The following PDS5B variants were observed in gnomAD, a reference collection of about 807,000 sequenced individuals.
PDS5B encodes sister chromatid cohesion protein PDS5 homolog B.
In PDS5B, 51 loss-of-function variants were observed where a neutral mutation model predicts 184.1. The observed-to-expected ratio is 0.28, with a 90% confidence interval of 0.22 to 0.35. The LOEUF (loss-of-function observed/expected upper bound fraction) is 0.35. Among genes scored for constraint, PDS5B ranks in the 10% least tolerant of loss-of-function variants. The probability of loss-of-function intolerance (pLI) is 1.00; values close to 1 mark genes in which losing one functional copy is unlikely to be tolerated. For missense variants in PDS5B, 1,180 were observed against 1,723.3 expected (o/e 0.68, Z 5.58); for synonymous variants, 566 against 569.2 (o/e 0.99, Z 0.08).
At chr13:32,609,045 A>G (rs2058102607) in intron 1 of PDS5B, among the ~76,000 whole-genome samples, 1 of 152,224 alleles carries the variant, frequency 6.6e-6, no homozygotes, top group African/African-American at 2.4e-5. Context: ...TTGATACAAT[A>G]CAAAGCCATC....
chr13:32,667,822 C>G lies in PDS5B; in HGVS notation c.683C>G (p.Ala228Gly). ...AKALLKRTAQ[A>G]IEPYITNFFN... Reference sequence around the variant, plus strand: ...GCTTTACTGAAGAGGACAGCTCAAGCTATTGAGCCATATATTACCAATGTA... The same window carrying G: ...GCTTTACTGAAGAGGACAGCTCAAGGTATTGAGCCATATATTACCAATGTA... Residue 228 changes from alanine (A) to glycine (G), a missense_variant, in exon 7 of 35, where the codon GCT becomes GGT. This residue lies in a region of PDS5B where 79 missense variants were observed against 124.6 expected (regional missense o/e 0.63). Transcript: ENST00000315596. The G allele has an allele frequency of 6.3e-7, 1 of 1,581,334 alleles. No homozygotes were observed.
intron 1 of PDS5B, among the ~76,000 whole-genome samples, chr13:32,628,535 G>C (rs1051088120): frequency 1.4e-5 from 2 of 146,586 alleles, no homozygotes; most frequent in African/African-American, 5.1e-5. Context: ...GCGACACAGA[G>C]AGACTCCCAT....
chr13:32,695,617 CATA>C (rs141919868), intron 14 of PDS5B, among the ~76,000 whole-genome samples: 13 of 152,090 alleles, frequency 8.5e-5, no homozygotes, highest in African/African-American at 2.2e-4. Flanking sequence ...TTATGGAAAT[CATA>C]ATAACATCCA....
intron 1 of PDS5B, among the ~76,000 whole-genome samples, chr13:32,612,814 C>T (rs1168505880): frequency 2.0e-5 from 3 of 152,148 alleles, no homozygotes; most frequent in African/African-American, 7.2e-5. Context: ...TAGACGCTGG[C>T]CCCTCAATCT....
At chr13:32,606,758 C>T (rs369927193) in intron 1 of PDS5B, among the ~76,000 whole-genome samples, 15 of 152,240 alleles carry the variant, frequency 9.9e-5, no homozygotes, top group African/African-American at 2.2e-4. Context: ...TGGCTTTGTT[C>T]GTTTCTTTTT....
chr13:32,729,619 A>G (rs1953031924), intron 19 of PDS5B, among the ~76,000 whole-genome samples: 1 of 152,038 alleles, frequency 6.6e-6, no homozygotes, highest in Non-Finnish European at 1.5e-5. Flanking sequence ...TTGTTTCCTG[A>G]CTTTTTAATG....
intron 11 of PDS5B, among the ~76,000 whole-genome samples, chr13:32,686,388 A>G (rs1373379508): frequency 3.3e-5 from 5 of 152,182 alleles, no homozygotes; most frequent in Admixed American, 3.3e-4. Context: ...CTTAATTACT[A>G]TTATTTGTAA....
intron 28 of PDS5B, 23 bp from the exon 29 acceptor site, chr13:32,759,605 A>G (rs1207656242): frequency 2.2e-6 from 3 of 1,362,182 alleles, no homozygotes; most frequent in Non-Finnish European, 2.1e-6. Flanking sequence ...TTCACTGACT[A>G]CTTCTTTTTC....
In PDS5B at chr13:32,606,432, G is replaced by A. The variant is rs535283906; in HGVS notation, c.-20+19839G>A. The stretch of plus-strand genomic sequence containing the variant: ...TGGCTTGTAGAGTTTCTGCCGAGAG[G>A]TCTGCTGTTAGTCTGATGGGCTTCC... On this transcript the variant is annotated intron_variant, in intron 1 of 34. Transcript: ENST00000315596. Among the ~76,000 whole-genome samples the A allele has an allele frequency of 4.6e-5, 7 of 152,268 alleles. No individual in the cohort carries two copies. In the East Asian group the frequency reaches 1.4e-3, roughly 29 times the overall value.
At chr13:32,702,068 TACAATA>T (rs2140873435) in intron 17 of PDS5B, among the ~76,000 whole-genome samples, 1 of 152,294 alleles carries the variant, frequency 6.6e-6, no homozygotes, top group South Asian at 2.1e-4. Context: ...AAAGTACTTA[TACAATA>T]TATATAGCGC....
intron 24 of PDS5B, among the ~76,000 whole-genome samples, chr13:32,749,309 T>C (rs1450492520): frequency 6.6e-6 from 1 of 152,184 alleles, no homozygotes; most frequent in Admixed American, 6.5e-5. Flanking sequence ...TTACAAAACT[T>C]GCTCTGAGTC....
intron 31 of PDS5B, among the ~76,000 whole-genome samples, chr13:32,765,565 T>A (rs1163006547): frequency 6.6e-6 from 1 of 152,108 alleles, no homozygotes; most frequent in Non-Finnish European, 1.5e-5. Flanking sequence ...TTTGGCAGAG[T>A]GTTTATTTCC....
intron 31 of PDS5B, among the ~76,000 whole-genome samples, chr13:32,767,190 T>G (rs1954612605): frequency 6.6e-6 from 1 of 152,104 alleles, no homozygotes; most frequent in African/African-American, 2.4e-5. Context: ...AGGACATAAA[T>G]AAAACTTAAG....
Position 32,667,814 on chromosome 13 carries a change from A to G in PDS5B, c.675A>G (p.Thr225=). 2 of 1,591,740 alleles carry G rather than the reference A, an allele frequency of 1.3e-6. No homozygotes were observed. The highest frequency in any genetic ancestry group is 2.3e-5 in the East Asian group (1 of 44,218). Residue 225 remains threonine, a synonymous_variant, in exon 7 of 35, where the codon ACA becomes ACG. Transcript: ENST00000315596. The part of the protein sequence containing the change: ...YDLAKALLKR[T]AQAIEPYITN... Reference sequence around the variant, plus strand: ...TGGCAAAGGCTTTACTGAAGAGGACAGCTCAAGCTATTGAGCCATATATTA... The same window carrying G: ...TGGCAAAGGCTTTACTGAAGAGGACGGCTCAAGCTATTGAGCCATATATTA...
intron 1 of PDS5B, among the ~76,000 whole-genome samples, chr13:32,597,107 C>T (rs573520127): frequency 7.2e-5 from 11 of 152,096 alleles, no homozygotes; most frequent in Middle Eastern, 3.4e-3. Flanking sequence ...CATCATAGCT[C>T]ACTGCAGCCT....
chr13:32,729,070 A>G (rs1041160024), intron 19 of PDS5B, among the ~76,000 whole-genome samples: 3 of 152,040 alleles, frequency 2.0e-5, no homozygotes, highest in Admixed American at 1.3e-4. Flanking sequence ...TGCATTAGGT[A>G]TTTGTCCTAA....
rs761622517 is a variant in PDS5B at position 32,755,849 on chromosome 13, A to G, written c.2949A>G (p.Leu983=). 3 of 1,326,980 alleles carry G rather than the reference A, an allele frequency of 2.3e-6. No homozygotes were observed. In the Admixed American group the frequency reaches 7.0e-5, roughly 31 times the overall value. 82.2% of individuals were successfully genotyped at this position (1,326,980 alleles called of 1,614,324 possible). A position where few individuals can be genotyped will look rare whatever the true frequency, so the allele number is the denominator to read the frequency against. The change falls in exon 26 of 35, where the codon TTA becomes TTG. Residue 983 remains leucine, a synonymous_variant. Transcript: ENST00000315596. ...LKQHAAVSEK[L]LSLLPEYVVP... ...GTTTGTTTTCTTTTTCAGAAAAATT[A>G]TTGTCTCTTCTACCAGAGTATGTTG... is the stretch of plus-strand genomic sequence containing the variant.
intron 7 of PDS5B, among the ~76,000 whole-genome samples, chr13:32,672,939 A>G (rs1593392589): frequency 6.6e-6 from 1 of 152,226 alleles, no homozygotes; most frequent in African/African-American, 2.4e-5. Flanking sequence ...ATAATATAGG[A>G]TAGAATATAA....
chr13:32,718,844 A>G (rs1038277960), intron 19 of PDS5B, among the ~76,000 whole-genome samples: 7 of 152,232 alleles, frequency 4.6e-5, no homozygotes, highest in African/African-American at 1.7e-4. Flanking sequence ...AAGACCTAGA[A>G]GTAAAGTATA....
Sources: allele counts gnomAD v4.1 joint callset (sites outside exome capture counted in the v4.1 genomes callset), GRCh38; gene constraint gnomAD v4.1.1; regional missense constraint gnomAD v4.1.1; transcripts MANE v1.5; gene names NCBI Gene and HGNC (gene_info 2026-07-23, HGNC 2026-07-21).